COL21A1: variants seen among roughly 807,000 people sequenced by gnomAD.
COL21A1 encodes collagen alpha-1(XXI) chain.
COL21A1 carries 149 observed loss-of-function variants against 137.9 expected under a neutral mutation model. That is an observed-to-expected ratio of 1.08 (90% CI 0.95 to 1.24). The LOEUF is 1.24. COL21A1 is among the 50% of genes most tolerant of loss of function. The pLI is 0.00. For synonymous variants in COL21A1, 456 were observed against 391.5 expected, an observed-to-expected ratio of 1.16 and a Z score of -1.95; for missense variants, 1,167 against 1,158.4, an observed-to-expected ratio of 1.01 and a Z score of -0.11.
At chr6:56,315,702 A>G (rs771347189) in intron 1 of COL21A1, among the ~76,000 whole-genome samples, 13 of 145,758 alleles carry the variant, frequency 8.9e-5, no homozygotes, top group African/African-American at 3.3e-4. Context: ...TCCTCCCTCT[A>G]CCCCTCCTCT....
At chr6:56,310,665 A>G (rs1006238333) in intron 1 of COL21A1, among the ~76,000 whole-genome samples, 3 of 152,164 alleles carry the variant, frequency 2.0e-5, no homozygotes, top group Non-Finnish European at 4.4e-5. Context: ...GGCCACTTAC[A>G]AATACATGAT....
In COL21A1 at chr6:56,113,550, T is replaced by C. The variant is rs528095318; in HGVS notation, c.1758+10512A>G. On this transcript the variant is annotated intron_variant, in intron 16 of 29. Coordinates refer to ENST00000244728, the MANE Select transcript of COL21A1 (RefSeq NM_030820.4). ...AACTGAAGAGCCCTTGGGCCCTGAATAACTAGCAGCGATACCTACGTACTA... is the reference window on the plus strand; with the variant it reads ...AACTGAAGAGCCCTTGGGCCCTGAACAACTAGCAGCGATACCTACGTACTA... 7.9e-5 allele frequency among the ~76,000 whole-genome samples: 12 copies of C among 152,218 alleles called. No individual in the cohort carries two copies. The East Asian group carries it at 2.3e-3, about 29-fold the overall frequency.
intron 1 of COL21A1, among the ~76,000 whole-genome samples, chr6:56,239,078 C>A (rs922392114): frequency 2.0e-5 from 3 of 152,162 alleles, no homozygotes; most frequent in African/African-American, 2.4e-5. Context: ...ATACAACACT[C>A]ATAATCTTAG....
chr6:56,292,407 G>A lies in COL21A1; in HGVS notation c.-39+101564C>T, dbSNP rs139418586. 4.3e-3 allele frequency among the ~76,000 whole-genome samples: 272 copies of A among 62,590 alleles called. 1 individual carries two copies. Among genetic ancestry groups the A allele is most frequent in the African/African-American group, 0.011 (264 of 23,746 alleles). The allele number at this position is 62,590 out of a possible 152,430, so 41.1% of individuals were successfully genotyped here. A position where few individuals can be genotyped will look rare whatever the true frequency, so the allele number is the denominator to read the frequency against. ...AAAACAGGGACCCCCCCCCTCCCCC[G>A]CCAAAGAGAGTCTGGGTTCTTGAAC... On this transcript the variant is annotated intron_variant, in intron 1 of 28. Transcript: ENST00000370819.
intron 1 of COL21A1, among the ~76,000 whole-genome samples, chr6:56,319,917 C>T (rs1016722839): frequency 4.6e-5 from 7 of 152,080 alleles, no homozygotes; most frequent in Non-Finnish European, 1.0e-4. Flanking sequence ...TGGCCTCATA[C>T]AGATCAATAG....
chr6:56,348,285 G>A (rs1194474993), intron 1 of COL21A1, among the ~76,000 whole-genome samples: 2 of 152,176 alleles, frequency 1.3e-5, no homozygotes, highest in African/African-American at 2.4e-5. Flanking sequence ...GTGGCTCGGT[G>A]AGTTGAGAAA....
chr6:56,291,225 TGCAGAAA>T (rs368858482), intron 1 of COL21A1, among the ~76,000 whole-genome samples: 346 of 152,258 alleles, frequency 2.3e-3, no homozygotes, highest in African/African-American at 7.9e-3. Context: ...AGGTAACAAT[TGCAGAAA>T]GCAGCTCCAA....
intron 1 of COL21A1, among the ~76,000 whole-genome samples, chr6:56,268,206 C>T (rs1054976597): frequency 4.6e-5 from 7 of 152,166 alleles, no homozygotes; most frequent in Non-Finnish European, 1.0e-4. Flanking sequence ...GACACAGGAG[C>T]AGGGCATGCT....
In COL21A1 at chr6:56,060,173, T is replaced by A. The variant is rs1243595638; in HGVS notation, c.2453A>T (p.Asp818Val). 6.2e-7 allele frequency: 1 copy of A among 1,609,272 alleles called. No homozygotes were observed. ...LLQSGRIRNC[D>V]HCLSQHGSPG... is the part of the protein sequence containing the mutation. ...GGAGCCATGTTGGGACAGGCAATGA[T>A]CACAATTTCTAATTCTTCCACTCTG... The change falls in exon 28 of 30, where the codon GAT (aspartate) becomes GTT (valine). Residue 818 changes from aspartate (D) to valine (V), a missense_variant. By Grantham distance (152) the Asp-to-Val change is radical. Transcript: ENST00000244728.
chr6:56,327,168 T>A (rs1176447616), intron 1 of COL21A1, among the ~76,000 whole-genome samples: 1 of 151,990 alleles, frequency 6.6e-6, no homozygotes, highest in African/African-American at 2.4e-5. Context: ...ACTCTAATTA[T>A]TTTTTAAATT....
intron 1 of COL21A1, among the ~76,000 whole-genome samples, chr6:56,289,613 T>C (rs989628028): frequency 1.3e-5 from 2 of 152,174 alleles, no homozygotes; most frequent in Admixed American, 6.5e-5. Flanking sequence ...ATAGTAATAA[T>C]TTAACCATAC....
chr6:56,156,509 A>G (rs1753014275), intron 10 of COL21A1, among the ~76,000 whole-genome samples: 3 of 152,186 alleles, frequency 2.0e-5, no homozygotes, highest in Admixed American at 2.0e-4. Flanking sequence ...AAATGTAATC[A>G]TCAAGGAAGA....
At chr6:56,130,184 TATATATATATATATATATATATATATAA>T (rs141510189) in intron 12 of COL21A1, among the ~76,000 whole-genome samples, 71,392 of 117,432 alleles carry the variant, frequency 0.61, 19,263 homozygotes, top group East Asian at 0.78. Context: ...TATATATATA[TATATATATATATATATATATATATATAA>T]AATTTCAAAT....
chr6:56,341,810 G>A (rs1765474936), intron 1 of COL21A1, among the ~76,000 whole-genome samples: 1 of 152,156 alleles, frequency 6.6e-6, no homozygotes, highest in African/African-American at 2.4e-5. Flanking sequence ...GGGAGCCTGT[G>A]CATACATGGT....
At chr6:56,192,458 C>A (rs2152291525) in intron 1 of COL21A1, among the ~76,000 whole-genome samples, 1 of 151,368 alleles carries the variant, frequency 6.6e-6, no homozygotes, top group African/African-American at 2.4e-5. Flanking sequence ...GGGCTAATAT[C>A]CAGAATCTAC....
At chr6:56,118,778 A>T (rs1361521634) in intron 16 of COL21A1, among the ~76,000 whole-genome samples, 2 of 152,130 alleles carry the variant, frequency 1.3e-5, no homozygotes, top group Non-Finnish European at 2.9e-5. Context: ...GGTTAAATGT[A>T]TGCAAATCAA....
rs10557266 is a variant in COL21A1, at chr6:56,364,765, G to GA, written c.-39+29205dup. ...TTATCTCTCTCTGTAAAGAGCCCAGGAAAAAAAAAAAAAAAAGATTCAGAA... is the reference window on the plus strand; with the variant it reads ...TTATCTCTCTCTGTAAAGAGCCCAGGAAAAAAAAAAAAAAAAAGATTCAGAA... On this transcript the variant is annotated intron_variant, in intron 1 of 28. Coordinates refer to the COL21A1 transcript ENST00000370819. 4.3e-3 allele frequency among the ~76,000 whole-genome samples: 554 copies of GA among 129,494 alleles called. 1 individual carries two copies. The highest frequency in any genetic ancestry group is 8.1e-3 in the African/African-American group (299 of 36,726). 85.0% of individuals were successfully genotyped at this position (129,494 alleles called of 152,430 possible).
chr6:56,075,576 C>G, intron 18 of COL21A1, 44 bp from the exon 19 acceptor site: 1 of 1,338,646 alleles, frequency 7.5e-7, no homozygotes. Flanking sequence ...TGTAAATTAT[C>G]AATTTATTTC....
chr6:56,061,579 T>C, intron 25 of COL21A1, 70 bp downstream of exon 25: 1 of 974,968 alleles, frequency 1.0e-6, no homozygotes. Flanking sequence ...TAGATTTATA[T>C]AGTATTGAAA....
Sources: gnomAD v4.1 joint callset for allele counts (sites outside exome capture counted in the v4.1 genomes callset) on GRCh38, gnomAD v4.1.1 for gene constraint, MANE v1.5 for transcripts, NCBI Gene and HGNC (gene_info 2026-07-23, HGNC 2026-07-21) for gene names.